Variants in CREB3L1 observed in about 807,000 individuals in gnomAD.
CREB3L1 encodes the protein cyclic AMP-responsive element-binding protein 3-like protein 1.
CREB3L1 carries 33 observed loss-of-function variants against 54.5 expected under a neutral mutation model. The ratio of observed to expected loss-of-function variants is 0.61; its 90% CI spans 0.46 to 0.81. The LOEUF (loss-of-function observed/expected upper bound fraction) is 0.81. Among genes scored for constraint, CREB3L1 ranks in the 30% least tolerant of loss-of-function variants. The pLI is 0.00. For missense variants in CREB3L1, 656 were observed against 673.3 expected (o/e 0.97, Z 0.29); for synonymous variants, 284 against 286.4 (o/e 0.99, Z 0.08).
chr11:46,299,125 G>A (rs979111243), intron 1 of CREB3L1, among the ~76,000 whole-genome samples: 4 of 151,900 alleles, frequency 2.6e-5, no homozygotes, highest in Non-Finnish European at 5.9e-5. Context: ...TGTGTGCTGT[G>A]CACTCTGATA....
At chr11:46,289,116 G>A (rs984821655) in intron 1 of CREB3L1, among the ~76,000 whole-genome samples, 1 of 152,122 alleles carries the variant, frequency 6.6e-6, no homozygotes, top group Non-Finnish European at 1.5e-5. Context: ...GGTGGCTCAC[G>A]CCTGTAATCC....
rs750475751 is a variant in CREB3L1, at chr11:46,308,009, G to A, written c.516+9G>A. 1.0e-4 allele frequency: 154 copies of A among 1,523,752 alleles called. No individual in the cohort carries two copies. Among genetic ancestry groups the A allele is most frequent in the Non-Finnish European group, 1.3e-4 (147 of 1,135,764 alleles). 94.4% of individuals were successfully genotyped at this position (1,523,752 alleles called of 1,614,324 possible). ...TGCCCATCCCCCACCAGGTGAGCCT[G>A]GGAACTGTTTGTAGCGGCTGAGGGA... On this transcript the variant is annotated intron_variant, in intron 3 of 11. Transcript: ENST00000621158.
chr11:46,307,294 T>C (rs1939412439), intron 2 of CREB3L1, among the ~76,000 whole-genome samples: 1 of 152,196 alleles, frequency 6.6e-6, no homozygotes, highest in African/African-American at 2.4e-5. Context: ...TTCGCCATGT[T>C]TCCCAGGCTG....
intron 5 of CREB3L1, among the ~76,000 whole-genome samples, chr11:46,311,959 G>A (rs1351421954): frequency 1.3e-5 from 2 of 152,160 alleles, no homozygotes; most frequent in African/African-American, 2.4e-5. Flanking sequence ...CAGGAAACAT[G>A]GAGCTAGGCC....
chr11:46,299,498 G>A (rs183616495), intron 1 of CREB3L1, among the ~76,000 whole-genome samples: 3 of 152,302 alleles, frequency 2.0e-5, no homozygotes, highest in East Asian at 1.9e-4. Flanking sequence ...ACTTGTTGGC[G>A]TAGACACACG....
At chr11:46,279,772 A>C (rs1175584392) in intron 1 of CREB3L1, among the ~76,000 whole-genome samples, 1 of 152,060 alleles carries the variant, frequency 6.6e-6, no homozygotes, top group Admixed American at 6.5e-5. Context: ...CGGACCCTTG[A>C]AGTCAAGCAG....
intron 1 of CREB3L1, among the ~76,000 whole-genome samples, chr11:46,296,164 G>A (rs990285128): frequency 5.9e-5 from 9 of 152,096 alleles, no homozygotes; most frequent in Admixed American, 5.9e-4. Context: ...AATTTCCATC[G>A]GACAATCTAA....
intron 1 of CREB3L1, among the ~76,000 whole-genome samples, chr11:46,291,108 G>C (rs914227000): frequency 1.3e-5 from 2 of 152,164 alleles, no homozygotes; most frequent in African/African-American, 4.8e-5. Flanking sequence ...AAGACCCAGT[G>C]GTTTGCCCAT....
At chr11:46,291,286 A>T (rs1939125642) in intron 1 of CREB3L1, among the ~76,000 whole-genome samples, 1 of 152,210 alleles carries the variant, frequency 6.6e-6, no homozygotes. Context: ...CTTCATCTGT[A>T]ATAATAACAG....
chr11:46,290,994 C>G (rs1410544136), intron 1 of CREB3L1, among the ~76,000 whole-genome samples: 1 of 152,112 alleles, frequency 6.6e-6, no homozygotes. Context: ...GGTCTCTTCC[C>G]CAGACCCCTG....
At chr11:46,316,047 G>A in intron 8 of CREB3L1, 1 of 431,762 alleles carries the variant, frequency 2.3e-6, no homozygotes, top group South Asian at 3.8e-5. Context: ...CCCTTGGCCA[G>A]GAGCATCACA....
At chr11:46,305,799 G>A (rs563143876) in intron 2 of CREB3L1, among the ~76,000 whole-genome samples, 21 of 145,090 alleles carry the variant, frequency 1.4e-4, no homozygotes, top group Non-Finnish European at 2.4e-4. Context: ...GTGCAGTGGC[G>A]CAATCTCGGC....
intron 1 of CREB3L1, among the ~76,000 whole-genome samples, chr11:46,285,111 G>A (rs1292675808): frequency 1.3e-5 from 2 of 152,112 alleles, no homozygotes; most frequent in East Asian, 3.9e-4. Flanking sequence ...CCTGGCTACT[G>A]CACCAGGAGA....
At chr11:46,305,690 A>ATATGTG (rs1555222407) in intron 2 of CREB3L1, among the ~76,000 whole-genome samples, 2 of 111,618 alleles carry the variant, frequency 1.8e-5, no homozygotes, top group Non-Finnish European at 3.6e-5. Context: ...GTGTGTATAT[A>ATATGTG]TGTGTGTGTG....
Position 46,312,860 on chromosome 11 carries a change from A to G in CREB3L1, c.972A>G (p.Thr324=). The G allele has an allele frequency of 1.3e-6, 2 of 1,592,290 alleles. No homozygotes were observed. The highest frequency in any genetic ancestry group is 1.7e-6 in the Non-Finnish European group (2 of 1,169,484). The change falls in exon 8 of 12, where the codon ACA becomes ACG. Residue 324 remains threonine (T), a synonymous_variant. Transcript: ENST00000621158. ...TGCTTGGCCCCTACAGGGTGGAGAC[A>G]TTTACATCTGAGAACAATGAACTGT... ...YVECLEKKVE[T]FTSENNELWK...
At chr11:46,320,605 G>A (rs1196095162) in intron 11 of CREB3L1, 77 bp downstream of exon 11, 6 of 1,547,316 alleles carry the variant, frequency 3.9e-6, no homozygotes, top group East Asian at 4.8e-5. Flanking sequence ...CCCCACATTG[G>A]CCACACCCTC....
At chr11:46,300,185 G>A in intron 2 of CREB3L1, 22 bp downstream of exon 2, 1 of 1,574,970 alleles carries the variant, frequency 6.3e-7, no homozygotes, top group Non-Finnish European at 8.7e-7. Flanking sequence ...AAGAACCTGG[G>A]GACAGCACAG....
Position 46,312,616 on chromosome 11 carries a change from C to T in CREB3L1, c.908C>T (p.Ser303Leu), listed in dbSNP as rs267602889. ...RVRRKIKNKI[S>L]AQESRRKKKE... Reference sequence around the variant, plus strand: ...TTTTCGGGCCTCCCCCTCTAGATCTCAGCCCAGGAGAGCCGTCGTAAGAAG... The same window carrying T: ...TTTTCGGGCCTCCCCCTCTAGATCTTAGCCCAGGAGAGCCGTCGTAAGAAG... Residue 303 changes from serine (S) to leucine (L), a missense_variant, in exon 7 of 12, where the codon TCA (serine) becomes TTA (leucine). Physicochemically the swap from Ser to Leu is moderately radical, Grantham distance 145. Transcript: ENST00000621158. 6.2e-7 allele frequency: 1 copy of T among 1,611,574 alleles called. No homozygotes were observed. Among genetic ancestry groups the T allele is most frequent in the African/African-American group, 1.3e-5 (1 of 74,866 alleles).
In CREB3L1 at chr11:46,311,063, C is replaced by T; in HGVS notation, c.627C>T (p.Pro209=). ...TGGTGCAGATGCCTCCGACGCCCCC[C>T]AGCAGCCATGGCAGTGACAGCGACG... ...EDLVQMPPTP[P]SSHGSDSDGS... Residue 209 remains proline, a synonymous_variant, in exon 5 of 12, where the codon CCC becomes CCT. Transcript: ENST00000621158. 1 of 1,609,166 alleles carries T rather than the reference C, an allele frequency of 6.2e-7. No individual in the cohort carries two copies. Among genetic ancestry groups the T allele is most frequent in the Non-Finnish European group, 8.5e-7 (1 of 1,177,978 alleles).
Sources: allele counts gnomAD v4.1 joint callset (sites outside exome capture counted in the v4.1 genomes callset), GRCh38; gene constraint gnomAD v4.1.1; transcripts MANE v1.5; gene names NCBI Gene and HGNC (gene_info 2026-07-23, HGNC 2026-07-21).